Variants in GPR158 observed in about 807,000 individuals in gnomAD.
GPR158 encodes G protein-coupled receptor 158, also known as metabotropic glycine receptor.
A neutral mutation model predicts 78.2 loss-of-function variants in GPR158; 30 were observed. The observed-to-expected ratio is 0.38, with a 90% CI of 0.29 to 0.52. The LOEUF is 0.52. GPR158 is among the 20% of genes least tolerant of loss of function. The probability of loss-of-function intolerance (pLI) is 0.83; values close to 1 mark genes in which losing one functional copy is unlikely to be tolerated. For missense variants in GPR158, 1,463 were observed against 1,523.5 expected (o/e 0.96, Z 0.66); for synonymous variants, 581 against 591.1 (o/e 0.98, Z 0.25).
chr10:25,192,907 CT>C (rs1852792997), intron 1 of GPR158, among the ~76,000 whole-genome samples: 1 of 152,056 alleles, frequency 6.6e-6, no homozygotes, highest in African/African-American at 2.4e-5. Flanking sequence ...AAAAAATAGG[CT>C]TTATTTTAGA....
intron 4 of GPR158, among the ~76,000 whole-genome samples, chr10:25,418,499 T>C (rs1170080762): frequency 1.3e-5 from 2 of 152,090 alleles, no homozygotes; most frequent in Non-Finnish European, 2.9e-5. Flanking sequence ...TGTGAATAAT[T>C]TTGAGCCCAG....
At chr10:25,210,795 T>C (rs1853118848) in intron 1 of GPR158, among the ~76,000 whole-genome samples, 1 of 152,202 alleles carries the variant, frequency 6.6e-6, no homozygotes, top group Non-Finnish European at 1.5e-5. Context: ...AATCATCCAA[T>C]ATGTCATCTT....
At chr10:25,536,312 C>G (rs1836500554) in intron 5 of GPR158, among the ~76,000 whole-genome samples, 1 of 151,998 alleles carries the variant, frequency 6.6e-6, no homozygotes, top group African/African-American at 2.4e-5. Flanking sequence ...AAATCTCCAG[C>G]CTCCTTTACA....
At position 25,550,988 on chromosome 10, in the gene GPR158, T is replaced by A. The variant is rs1836718656; in HGVS notation, c.1417T>A (p.Tyr473Asn). 1 of 1,592,402 alleles carries A rather than the reference T, an allele frequency of 6.3e-7. No homozygotes were observed. ...LLLYFPVVILYFEPSTFRCIL... is the reference protein window; with the variant it reads ...LLLYFPVVILNFEPSTFRCIL... ...TTTCATCCCACAGGTTGTTATTTTG[T>A]ACTTTGAGCCAAGCACATTTCGCTG... The change falls in exon 6 of 11, where the codon TAC becomes AAC. Residue 473 changes from tyrosine (Y) to asparagine (N), a missense_variant. Tyr to Asn is a moderately radical substitution (Grantham distance 143). Transcript: ENST00000376351.
chr10:25,214,257 G>A (rs1234744254), intron 1 of GPR158, among the ~76,000 whole-genome samples: 1 of 152,084 alleles, frequency 6.6e-6, no homozygotes, highest in Non-Finnish European at 1.5e-5. Context: ...GCCTCCCAAA[G>A]TGCTGGGATT....
At chr10:25,368,632 G>A (rs915032060) in intron 2 of GPR158, among the ~76,000 whole-genome samples, 2 of 151,896 alleles carry the variant, frequency 1.3e-5, no homozygotes, top group Non-Finnish European at 2.9e-5. Flanking sequence ...TACTCTGTTG[G>A]TGGGAGTGTA....
At chr10:25,422,672 A>AT (rs1281536258) in intron 4 of GPR158, among the ~76,000 whole-genome samples, 3 of 148,090 alleles carry the variant, frequency 2.0e-5, no homozygotes, top group Non-Finnish European at 4.5e-5. Flanking sequence ...TTCAGCTTGA[A>AT]TTTTTTCCTG....
chr10:25,297,123 C>T (rs79016430), intron 2 of GPR158, among the ~76,000 whole-genome samples: 1,915 of 152,208 alleles, frequency 0.013, 47 homozygotes, highest in African/African-American at 0.043. Flanking sequence ...ATAACTCAGG[C>T]GTTTGTTTAT....
chr10:25,504,466 C>T (rs1369118354), intron 5 of GPR158, among the ~76,000 whole-genome samples: 1 of 152,194 alleles, frequency 6.6e-6, no homozygotes, highest in Non-Finnish European at 1.5e-5. Flanking sequence ...TTCTTTACTT[C>T]CTAGCCTTTG....
chr10:25,377,086 T>C (rs1348569928), intron 2 of GPR158, among the ~76,000 whole-genome samples: 2 of 151,834 alleles, frequency 1.3e-5, no homozygotes, highest in Non-Finnish European at 3.0e-5. Context: ...TCTTTGAGCA[T>C]TTTTAGCCAC....
At chr10:25,334,637 G>T (rs1855172534) in intron 2 of GPR158, among the ~76,000 whole-genome samples, 2 of 151,980 alleles carry the variant, frequency 1.3e-5, no homozygotes, top group African/African-American at 4.8e-5. Flanking sequence ...CTAGATTCTA[G>T]TTATGATTGT....
chr10:25,557,148 G>A lies in GPR158; in HGVS notation c.1514+6063G>A, dbSNP rs930800365. Among the ~76,000 whole-genome samples the A allele has an allele frequency of 6.6e-5, 10 of 152,286 alleles. No individual in the cohort carries two copies. The South Asian group carries it at 1.0e-3, about 16-fold the overall frequency. On this transcript the variant is annotated intron_variant, in intron 6 of 10. Coordinates refer to ENST00000376351, the MANE Select transcript of GPR158 (RefSeq NM_020752.3). ...AAAGACCCATGCTGGTGCCCAGACC[G>A]TTTTGTGTGCTATCTCTACTCTAGC... is the stretch of plus-strand genomic sequence containing the variant.
intron 2 of GPR158, among the ~76,000 whole-genome samples, chr10:25,304,508 A>G (rs558366239): frequency 1.8e-4 from 28 of 152,184 alleles, no homozygotes; most frequent in African/African-American, 6.7e-4. Flanking sequence ...CTGTTTTCTT[A>G]TTTGTAAAAG....
chr10:25,250,217 G>T (rs1159148971), intron 2 of GPR158, among the ~76,000 whole-genome samples: 41 of 110,136 alleles, frequency 3.7e-4, no homozygotes, highest in South Asian at 1.1e-3. Flanking sequence ...TTCTTTATTA[G>T]TCTTGCTAGT....
intron 2 of GPR158, among the ~76,000 whole-genome samples, chr10:25,372,445 C>A (rs1345426185): frequency 6.9e-6 from 1 of 144,130 alleles, no homozygotes; most frequent in East Asian, 2.0e-4. Context: ...ATAACAAAGA[C>A]TTGGAACCAA....
At chr10:25,473,743 G>C (rs1309997322) in intron 5 of GPR158, among the ~76,000 whole-genome samples, 1 of 152,062 alleles carries the variant, frequency 6.6e-6, no homozygotes, top group Non-Finnish European at 1.5e-5. Flanking sequence ...TATTTGCATA[G>C]AGGTGTTTAT....
At chr10:25,364,552 C>A (rs1295750497) in intron 2 of GPR158, among the ~76,000 whole-genome samples, 1 of 151,832 alleles carries the variant, frequency 6.6e-6, no homozygotes, top group Non-Finnish European at 1.5e-5. Context: ...CTCTTTAATG[C>A]TAATGCTGAT....
chr10:25,214,440 C>T (rs1853178509), intron 1 of GPR158, among the ~76,000 whole-genome samples: 2 of 152,156 alleles, frequency 1.3e-5, no homozygotes, highest in Middle Eastern at 3.2e-3. Flanking sequence ...TACACAGCTT[C>T]CTGTAGTAAT....
chr10:25,369,446 C>T (rs1431383510), intron 2 of GPR158, among the ~76,000 whole-genome samples: 11 of 147,564 alleles, frequency 7.5e-5, no homozygotes, highest in Admixed American at 1.3e-4. Context: ...TTGTCTTTGG[C>T]TCTGTTTATA....
Sources: gnomAD v4.1 joint callset for allele counts (sites outside exome capture counted in the v4.1 genomes callset) on GRCh38, gnomAD v4.1.1 for gene constraint, MANE v1.5 for transcripts, NCBI Gene and HGNC (gene_info 2026-07-23, HGNC 2026-07-21) for gene names.